Variants in TTC39C observed in about 807,000 individuals in gnomAD.
TTC39C encodes tetratricopeptide repeat protein 39C.
Under a neutral mutation model 76.3 loss-of-function variants are expected in TTC39C, and 33 were observed. That is an observed-to-expected ratio of 0.43 (90% confidence interval 0.33 to 0.58). The LOEUF (loss-of-function observed/expected upper bound fraction) is 0.58. TTC39C is among the 20% of genes least tolerant of loss of function. The pLI is 0.04. For synonymous variants in TTC39C, 254 were observed against 260.6 expected, an observed-to-expected ratio of 0.97 and a Z score of 0.24; for missense variants, 595 against 701.4, an observed-to-expected ratio of 0.85 and a Z score of 1.71.
At chr18:24,021,037 A>T (rs2083511688) in intron 1 of TTC39C, among the ~76,000 whole-genome samples, 2 of 152,132 alleles carry the variant, frequency 1.3e-5, no homozygotes, top group South Asian at 4.1e-4. Context: ...AGTTCCTGAA[A>T]TATCATTTTT....
In TTC39C at chr18:24,134,257, GTTTTTTGTTTTTTTTTTTTTTTTT is replaced by G. The variant is rs1209792385; in HGVS notation, c.*1690_*1713del. On this transcript the variant is annotated 3_prime_UTR_variant, in exon 14 of 14. Transcript: ENST00000317571. ...TGGTGCCCAAAAATATTGGACATCT[GTTTTTTGTTTTTTTTTTTTTTTTT>G]TTTTTTTTTTGAGACGGAGTCTCGC... is the stretch of plus-strand genomic sequence containing the variant. 3 of 48,688 alleles carry G rather than the reference GTTTTTTGTTTTTTTTTTTTTTTTT, an allele frequency of 6.2e-5. No individual in the cohort carries two copies. The highest frequency in any genetic ancestry group is 1.4e-4 in the Non-Finnish European group (3 of 21,830). 3.0% of individuals were successfully genotyped at this position (48,688 alleles called of 1,614,324 possible).
chr18:24,040,717 G>A (rs766838267), intron 1 of TTC39C, among the ~76,000 whole-genome samples: 3 of 152,172 alleles, frequency 2.0e-5, no homozygotes, highest in Non-Finnish European at 4.4e-5. Context: ...TCCAATAGGT[G>A]AAGGGCATCT....
intron 1 of TTC39C, among the ~76,000 whole-genome samples, chr18:24,002,352 G>C (rs2083319848): frequency 1.3e-5 from 2 of 152,206 alleles, no homozygotes; most frequent in Non-Finnish European, 2.9e-5. Context: ...ACTAAAAGAA[G>C]TGGGGTGGGA....
At chr18:24,056,284 T>G (rs551720070) in intron 1 of TTC39C, among the ~76,000 whole-genome samples, 3 of 152,302 alleles carry the variant, frequency 2.0e-5, no homozygotes, top group Admixed American at 2.0e-4. Flanking sequence ...CTGATTAGAT[T>G]CAGGTGGCCC....
chr18:24,069,932 T>C (rs1388301070), intron 4 of TTC39C, among the ~76,000 whole-genome samples: 1 of 152,234 alleles, frequency 6.6e-6, no homozygotes, highest in Non-Finnish European at 1.5e-5. Context: ...CAGCAGAAAC[T>C]TCCCATTTTG....
chr18:24,103,111 G>GA (rs1484191231), intron 6 of TTC39C, among the ~76,000 whole-genome samples: 1 of 152,014 alleles, frequency 6.6e-6, no homozygotes, highest in Non-Finnish European at 1.5e-5. Context: ...GGAAAAAAAA[G>GA]AAAAAAGGGC....
intron 6 of TTC39C, among the ~76,000 whole-genome samples, chr18:24,084,010 T>A (rs2084410940): frequency 6.6e-6 from 1 of 152,164 alleles, no homozygotes; most frequent in Non-Finnish European, 1.5e-5. Flanking sequence ...AATGCTTTCA[T>A]GGGCACAGGA....
Position 24,015,039 on chromosome 18 carries a change from G to A in TTC39C, c.167+1G>A. The A allele has an allele frequency of 2.1e-6, 3 of 1,440,654 alleles. No homozygotes were observed. Among genetic ancestry groups the A allele is most frequent in the Non-Finnish European group, 2.8e-6 (3 of 1,090,462 alleles). 89.2% of individuals were successfully genotyped at this position (1,440,654 alleles called of 1,614,324 possible). On this transcript the variant is annotated splice_donor_variant, in intron 1 of 13. Transcript: ENST00000317571. LOFTEE classifies it high-confidence loss of function. Reference sequence around the variant, plus strand: ...CGGACCAGCTTTTCAAACAATACAGGTGACCCACGCGTCCCCGATTCCCCA... The same window carrying A: ...CGGACCAGCTTTTCAAACAATACAGATGACCCACGCGTCCCCGATTCCCCA...
chr18:23,997,714 G>C (rs1046244936), intron 1 of TTC39C, among the ~76,000 whole-genome samples: 4 of 150,390 alleles, frequency 2.7e-5, no homozygotes, highest in Admixed American at 2.6e-4. Flanking sequence ...AAGAAAGAAA[G>C]AAAGAAAGAA....
intron 8 of TTC39C, 90 bp from the exon 9 acceptor site, chr18:24,123,744 T>A: frequency 1.2e-6 from 1 of 841,388 alleles, no homozygotes. Flanking sequence ...TGCTCCTGCT[T>A]TTTTTTTTTT....
chr18:24,015,269 G>GCGCC (rs2083440580), intron 1 of TTC39C: 1 of 404,794 alleles, frequency 2.5e-6, no homozygotes, highest in Non-Finnish European at 4.3e-6. Context: ...GACCCGCCGC[G>GCGCC]CGCCCGCCCC....
Position 24,026,591 on chromosome 18 carries a change from A to G in TTC39C, c.167+11553A>G, listed in dbSNP as rs545821675. Reference sequence around the variant, plus strand: ...TCAACCATGACATCAGTTGCATCCCATAATACATGTTAGCTCAGCCTGTTT... The same window carrying G: ...TCAACCATGACATCAGTTGCATCCCGTAATACATGTTAGCTCAGCCTGTTT... On this transcript the variant is annotated intron_variant, in intron 1 of 13. Coordinates refer to ENST00000317571, the MANE Select transcript of TTC39C (RefSeq NM_001135993.2). 3.9e-5 allele frequency among the ~76,000 whole-genome samples: 6 copies of G among 152,338 alleles called. No individual in the cohort carries two copies. The South Asian group carries it at 1.2e-3, about 32-fold the overall frequency.
chr18:24,023,958 A>G (rs56186080), intron 1 of TTC39C, among the ~76,000 whole-genome samples: 1 of 14,668 alleles, frequency 6.8e-5, no homozygotes, highest in Non-Finnish European at 2.3e-4. Flanking sequence ...ATGTATATAT[A>G]TATATATATA....
At chr18:24,027,288 G>A (rs1383843649) in intron 1 of TTC39C, among the ~76,000 whole-genome samples, 5 of 151,818 alleles carry the variant, frequency 3.3e-5, no homozygotes, top group Admixed American at 3.3e-4. Flanking sequence ...AAAAAAAAAA[G>A]TAATCGGATT....
intron 1 of TTC39C, among the ~76,000 whole-genome samples, chr18:24,002,419 G>C (rs1038549846): frequency 4.6e-5 from 7 of 152,216 alleles, no homozygotes; most frequent in Admixed American, 1.3e-4. Flanking sequence ...CTTGCTCACA[G>C]AGTCAATGGA....
At chr18:24,063,329 G>C (rs1197936997) in intron 1 of TTC39C, among the ~76,000 whole-genome samples, 1 of 152,188 alleles carries the variant, frequency 6.6e-6, no homozygotes. Context: ...AGTGTGTGAA[G>C]TCTGACTCAG....
intron 1 of TTC39C, among the ~76,000 whole-genome samples, chr18:24,055,783 G>A (rs2084007840): frequency 6.6e-6 from 1 of 152,058 alleles, no homozygotes; most frequent in South Asian, 2.1e-4. Context: ...TGTGCTTTTG[G>A]TGTCATATCC....
chr18:24,111,773 A>G (rs896055151), intron 6 of TTC39C, among the ~76,000 whole-genome samples: 1 of 151,836 alleles, frequency 6.6e-6, no homozygotes, highest in African/African-American at 2.4e-5. Flanking sequence ...ACAGCAGTGC[A>G]TGCCCATAAT....
intron 8 of TTC39C, among the ~76,000 whole-genome samples, chr18:24,120,071 A>C (rs1048134075): frequency 6.6e-6 from 1 of 152,234 alleles, no homozygotes; most frequent in Non-Finnish European, 1.5e-5. Context: ...AGAGAGGATA[A>C]GATGTGGGTG....
Sources: gnomAD v4.1 joint callset for allele counts (sites outside exome capture counted in the v4.1 genomes callset) on GRCh38, gnomAD v4.1.1 for gene constraint, MANE v1.5 for transcripts, NCBI Gene and HGNC (gene_info 2026-07-23, HGNC 2026-07-21) for gene names.